The following ADGRL2 variants were observed in gnomAD, a reference collection of about 807,000 sequenced individuals.
ADGRL2 encodes the protein adhesion G protein-coupled receptor L2.
In ADGRL2, 44 loss-of-function variants were observed where a neutral mutation model predicts 157.4. The observed-to-expected ratio is 0.28, with a 90% CI of 0.22 to 0.36. The LOEUF (loss-of-function observed/expected upper bound fraction) is 0.36, where lower values mean the gene tolerates loss of function less well. ADGRL2 is among the 10% of genes least tolerant of loss of function. ADGRL2 has a pLI of 1.00. For synonymous variants in ADGRL2, 585 were observed against 624.7 expected, an observed-to-expected ratio of 0.94 and a Z score of 0.95; for missense variants, 1,510 against 1,768.9, an observed-to-expected ratio of 0.85 and a Z score of 2.63.
chr1:81,929,259 C>T (rs1032526210), intron 3 of ADGRL2, among the ~76,000 whole-genome samples: 18 of 152,160 alleles, frequency 1.2e-4, no homozygotes, highest in African/African-American at 4.3e-4. Context: ...AAAATGGCAT[C>T]CTGTGGCCTG....
intron 1 of ADGRL2, among the ~76,000 whole-genome samples, chr1:81,443,498 C>T (rs993289842): frequency 3.3e-5 from 5 of 152,012 alleles, no homozygotes; most frequent in African/African-American, 9.7e-5. Context: ...CTTGATTAAC[C>T]TTATTCCTAT....
intron 3 of ADGRL2, among the ~76,000 whole-genome samples, chr1:81,686,970 GT>G (rs1230757766): frequency 6.6e-6 from 1 of 152,108 alleles, no homozygotes; most frequent in Non-Finnish European, 1.5e-5. Flanking sequence ...TTGATTTCCA[GT>G]TTTATTGCAC....
Position 81,456,674 on chromosome 1 carries a change from C to G in ADGRL2, c.-248+11585C>G, listed in dbSNP as rs367991893. 6.3e-4 allele frequency among the ~76,000 whole-genome samples: 94 copies of G among 149,770 alleles called. 1 individual carries two copies. Among genetic ancestry groups the G allele is most frequent in the African/African-American group, 2.3e-3 (90 of 39,360 alleles). On this transcript the variant is annotated intron_variant, in intron 2 of 24. Transcript: ENST00000370721. ...TTTCATCACATCCTCCTTTCCTAAA[C>G]AAGCTACAGTTTTCAGCCTATGAGA...
intron 1 of ADGRL2, among the ~76,000 whole-genome samples, chr1:81,312,233 A>C (rs2100556862): frequency 6.6e-6 from 1 of 152,306 alleles, no homozygotes; most frequent in Non-Finnish European, 1.5e-5. Context: ...TTACAACCAT[A>C]AATCAGGTTC....
intron 1 of ADGRL2, among the ~76,000 whole-genome samples, chr1:81,335,120 A>T (rs1367548863): frequency 6.6e-6 from 1 of 152,196 alleles, no homozygotes. Context: ...ATAAAACCAA[A>T]TGTGTTTGAA....
intron 3 of ADGRL2, among the ~76,000 whole-genome samples, chr1:81,671,716 T>C (rs553745774): frequency 1.3e-5 from 2 of 152,282 alleles, no homozygotes; most frequent in Admixed American, 1.3e-4. Context: ...TTTCACTGTG[T>C]TGGCCAGGCT....
intron 1 of ADGRL2, among the ~76,000 whole-genome samples, chr1:81,803,915 C>T (rs1041868719): frequency 6.6e-6 from 1 of 152,174 alleles, no homozygotes; most frequent in Non-Finnish European, 1.5e-5. Context: ...CTTTGCTCAA[C>T]GAAGTTGCAC....
intron 21 of ADGRL2, 83 bp downstream of exon 21, chr1:81,985,438 A>C (rs1311263188): frequency 1.4e-6 from 1 of 700,592 alleles, no homozygotes; most frequent in Non-Finnish European, 2.4e-6. Flanking sequence ...AATGTAAGAA[A>C]TATAATTTTA....
chr1:81,681,207 T>C (rs1347425641), intron 3 of ADGRL2, among the ~76,000 whole-genome samples: 3 of 152,214 alleles, frequency 2.0e-5, no homozygotes, highest in Admixed American at 6.5e-5. Flanking sequence ...TGGTTCCTAT[T>C]TGAGTCTTTA....
In ADGRL2 at chr1:81,557,812, C is replaced by G. The variant is rs563339403; in HGVS notation, c.-247-23064C>G. 4.6e-5 allele frequency: 7 copies of G among 152,306 alleles called. No homozygotes were observed. In the East Asian group the frequency reaches 1.3e-3, roughly 29 times the overall value. 9.4% of individuals were successfully genotyped at this position (152,306 alleles called of 1,614,324 possible). On this transcript the variant is annotated intron_variant, in intron 2 of 24. Coordinates refer to the ADGRL2 transcript ENST00000370721. ...CCCCTGTAGCTGCCCAGAGAACATACCCCCTAGCGGAGCTGCTGTGGCTGG... is the reference window on the plus strand; with the variant it reads ...CCCCTGTAGCTGCCCAGAGAACATAGCCCCTAGCGGAGCTGCTGTGGCTGG...
At chr1:81,903,736 A>T (rs892432821) in intron 2 of ADGRL2, among the ~76,000 whole-genome samples, 1 of 143,210 alleles carries the variant, frequency 7.0e-6, no homozygotes, top group African/African-American at 2.5e-5. Flanking sequence ...TATACATTAT[A>T]TATACACATT....
intron 2 of ADGRL2, among the ~76,000 whole-genome samples, chr1:81,547,224 C>T (rs975718369): frequency 1.3e-5 from 2 of 152,176 alleles, no homozygotes; most frequent in Non-Finnish European, 2.9e-5. Context: ...AGGGGTTAAA[C>T]TCAGATCTTT....
chr1:81,853,711 G>T (rs1007417129), intron 2 of ADGRL2, among the ~76,000 whole-genome samples: 1 of 152,076 alleles, frequency 6.6e-6, no homozygotes, highest in Non-Finnish European at 1.5e-5. Context: ...GAGCTTTGTG[G>T]TCTTACTGGA....
At chr1:81,337,583 T>C (rs1336206848) in intron 1 of ADGRL2, among the ~76,000 whole-genome samples, 2 of 152,350 alleles carry the variant, frequency 1.3e-5, no homozygotes. Context: ...ATTTGCTTTA[T>C]GTTAAAGAAG....
At chr1:81,428,791 A>C (rs1172318269) in intron 1 of ADGRL2, among the ~76,000 whole-genome samples, 1 of 152,112 alleles carries the variant, frequency 6.6e-6, no homozygotes, top group Non-Finnish European at 1.5e-5. Context: ...TTTCTTCTGG[A>C]GAAACTTCGC....
rs201796336 is a variant in ADGRL2, at chr1:81,366,727, CT to C, written c.-302+60219del. On this transcript the variant is annotated intron_variant, in intron 1 of 24. Transcript: ENST00000370721. ...AATGCCTCCATATTTCAAGTTTAGTCTATGTACCTTCTTAAATTCTCTAATG... is the reference window on the plus strand; with the variant it reads ...AATGCCTCCATATTTCAAGTTTAGTCATGTACCTTCTTAAATTCTCTAATG... 1.2e-4 allele frequency among the ~76,000 whole-genome samples: 19 copies of C among 152,294 alleles called. No homozygotes were observed. The East Asian group carries it at 3.7e-3, about 29-fold the overall frequency.
intron 2 of ADGRL2, among the ~76,000 whole-genome samples, chr1:81,877,446 T>C (rs192954040): frequency 6.6e-5 from 10 of 152,246 alleles, no homozygotes; most frequent in Admixed American, 2.6e-4. Context: ...TTGCCTGATA[T>C]ATATAGTAAG....
intron 2 of ADGRL2, among the ~76,000 whole-genome samples, chr1:81,851,045 C>A (rs1400765602): frequency 6.6e-6 from 1 of 151,700 alleles, no homozygotes; most frequent in Non-Finnish European, 1.5e-5. Context: ...ACCCAAAAAC[C>A]AATATGGTTA....
At chr1:81,499,269 C>T (rs1472618959) in intron 2 of ADGRL2, among the ~76,000 whole-genome samples, 2 of 152,244 alleles carry the variant, frequency 1.3e-5, no homozygotes, top group Admixed American at 1.3e-4. Context: ...CTGAAGTGTT[C>T]TTTTATGCTA....
Sources: gnomAD v4.1 joint callset for allele counts (sites outside exome capture counted in the v4.1 genomes callset) on GRCh38, gnomAD v4.1.1 for gene constraint, MANE v1.5 for transcripts, NCBI Gene and HGNC (gene_info 2026-07-23, HGNC 2026-07-21) for gene names.